Variants in RGMA observed in about 807,000 individuals in gnomAD.
The protein encoded by RGMA is repulsive guidance molecule BMP co-receptor a.
Under a neutral mutation model 23.2 loss-of-function variants are expected in RGMA, and 10 were observed. That is an observed-to-expected ratio of 0.43 (90% CI 0.27 to 0.73). RGMA has a LOEUF of 0.73. RGMA is among the 30% of genes least tolerant of loss of function. The pLI is 0.20. For synonymous variants in RGMA, 308 were observed against 279.3 expected (o/e 1.10, Z -1.03); for missense variants, 547 against 630.5 (o/e 0.87, Z 1.42).
Position 93,044,708 on chromosome 15 carries a change from T to G in RGMA, c.*290A>C. The G allele has an allele frequency of 2.2e-6, 1 of 449,112 alleles. No homozygotes were observed. The highest frequency in any genetic ancestry group is 4.0e-6 in the Non-Finnish European group (1 of 250,170). The allele number at this position is 449,112 out of a possible 1,614,324, so 27.8% of individuals were successfully genotyped here. A position where few individuals can be genotyped will look rare whatever the true frequency, so the allele number is the denominator to read the frequency against. On this transcript the variant is annotated 3_prime_UTR_variant, in exon 4 of 4. Coordinates refer to ENST00000329082, the MANE Select transcript of RGMA (RefSeq NM_020211.3). ...GTGTCTCTGGTGGGGGTGGGGGGCT[T>G]CAGCCTGAGGGGATGTTTCACACAT...
rs915602326 is a variant in RGMA at position 93,043,839 on chromosome 15, T to A, written c.*1159A>T. ...CACCCTCCAGGGCCTGGCTGCACTT[T>A]TGGGAGTGAAGCCTGGCTTTGTGCT... On this transcript the variant is annotated 3_prime_UTR_variant, in exon 4 of 4. Transcript: ENST00000329082. The A allele has an allele frequency of 6.6e-6, 1 of 152,422 alleles. No individual in the cohort carries two copies. 9.4% of individuals were successfully genotyped at this position (152,422 alleles called of 1,614,324 possible).
In RGMA at chr15:93,043,665, G is replaced by A; in HGVS notation, c.*1333C>T. 1 of 140,536 alleles carries A rather than the reference G, an allele frequency of 7.1e-6. No individual in the cohort carries two copies. The highest frequency in any genetic ancestry group is 1.6e-5 in the Non-Finnish European group (1 of 63,908). 8.7% of individuals were successfully genotyped at this position (140,536 alleles called of 1,614,324 possible). A position where few individuals can be genotyped will look rare whatever the true frequency, so the allele number is the denominator to read the frequency against. On this transcript the variant is annotated 3_prime_UTR_variant, in exon 4 of 4. Coordinates refer to ENST00000329082, the MANE Select transcript of RGMA (RefSeq NM_020211.3). ...GCGCCCTCCCACCCGCCCACACACG[G>A]TTCTGGCAGAGGGAGCAGGACCTCT...
rs967681221 is a variant in RGMA at position 93,045,902 on chromosome 15, G to A, written c.646-197C>T. On this transcript the variant is annotated intron_variant, in intron 3 of 3. Transcript: ENST00000329082. This position sits in a 1 kb window ranked among gnomAD's most constrained non-coding sequence, Gnocchi z 6.9. Reference sequence around the variant, plus strand: ...CACATTCTTTCAATGAAAACAACTTGCCCTTTTTACTTTAAAAAGTGACTT... The same window carrying A: ...CACATTCTTTCAATGAAAACAACTTACCCTTTTTACTTTAAAAAGTGACTT... Among the ~76,000 whole-genome samples, 38 of 152,244 alleles carry A rather than the reference G, an allele frequency of 2.5e-4. No homozygotes were observed. The highest frequency in any genetic ancestry group is 9.2e-4 in the African/African-American group (38 of 41,528).
chr15:93,088,866 G>A, intron 1 of RGMA, 53 bp downstream of exon 1: 1 of 1,473,614 alleles, frequency 6.8e-7, no homozygotes, highest in East Asian at 2.9e-5. Context: ...ATGTGTCGGC[G>A]GCGCCTCGGA....
Position 93,040,702 on chromosome 15 carries a change from A to T in RGMA, c.*4296T>A, listed in dbSNP as rs1188700835. On this transcript the variant is annotated 3_prime_UTR_variant, in exon 4 of 4. Coordinates refer to ENST00000329082, the MANE Select transcript of RGMA (RefSeq NM_020211.3). The stretch of plus-strand genomic sequence containing the variant: ...TTATTGCCTTGTCTTTCCAATAAGA[A>T]TGCACAGCAGTCTGTCTGGGTCATT... 5 of 152,212 alleles carry T rather than the reference A, an allele frequency of 3.3e-5. No homozygotes were observed. Among genetic ancestry groups the T allele is most frequent in the African/African-American group, 1.2e-4 (5 of 41,406 alleles). 9.4% of individuals were successfully genotyped at this position (152,212 alleles called of 1,614,324 possible).
At chr15:93,086,488 C>T (rs1209342786) in intron 1 of RGMA, among the ~76,000 whole-genome samples, 1 of 152,136 alleles carries the variant, frequency 6.6e-6, no homozygotes, top group African/African-American at 2.4e-5. Context: ...TAAAAACAAG[C>T]GCTAGAACTT....
chr15:93,047,594 G>A (rs1488296295), intron 3 of RGMA, among the ~76,000 whole-genome samples: 3 of 151,824 alleles, frequency 2.0e-5, no homozygotes, highest in Non-Finnish European at 2.9e-5. Flanking sequence ...ACCCAGGAGA[G>A]GGTGTGGCCA....
rs1284631012 is a variant in RGMA at position 93,059,771 on chromosome 15, CATCAAAAGCAATAGCTGTGGTG to C, written c.131-7286_131-7265del. Among the ~76,000 whole-genome samples, 9 of 152,278 alleles carry C rather than the reference CATCAAAAGCAATAGCTGTGGTG, an allele frequency of 5.9e-5. No individual in the cohort carries two copies. In the East Asian group the frequency reaches 1.7e-3, roughly 29 times the overall value. Reference sequence around the variant, plus strand: ...AGGACCTGAATGAAATCTGGCCCAGCATCAAAAGCAATAGCTGTGGTGTCACCTGCCAAAGAGATCTCAGAGA... The same window carrying C: ...AGGACCTGAATGAAATCTGGCCCAGCTCACCTGCCAAAGAGATCTCAGAGA... On this transcript the variant is annotated intron_variant, in intron 2 of 3. Transcript: ENST00000329082.
In RGMA at chr15:93,059,091, C is replaced by T. The variant is rs1444335736; in HGVS notation, c.131-6584G>A. 2.6e-5 allele frequency among the ~76,000 whole-genome samples: 4 copies of T among 152,128 alleles called. No homozygotes were observed. The East Asian group carries it at 7.7e-4, about 29-fold the overall frequency. ...CACGGAGGCTTCGGGCTCGAGCGGG[C>T]CTGGGTCACACAAGTGGAAGGGCTG... On this transcript the variant is annotated intron_variant, in intron 2 of 3. Transcript: ENST00000329082.
At chr15:93,050,090 T>C (rs1320112678) in intron 3 of RGMA, among the ~76,000 whole-genome samples, 2 of 152,208 alleles carry the variant, frequency 1.3e-5, no homozygotes, top group African/African-American at 4.8e-5. Context: ...CCCAGTTCTC[T>C]GGACAGAGCC....
chr15:93,088,844 C>T (rs1181680079), intron 1 of RGMA, 75 bp downstream of exon 1: 2 of 1,347,634 alleles, frequency 1.5e-6, no homozygotes, highest in South Asian at 1.3e-5. Flanking sequence ...AAAGCAGCGC[C>T]GTGGCCCCGG....
chr15:93,063,300 G>A (rs7169328), intron 2 of RGMA, among the ~76,000 whole-genome samples: 18,863 of 152,274 alleles, frequency 0.12, 1,614 homozygotes, highest in African/African-American at 0.24. Flanking sequence ...TTCAAAGGAG[G>A]TGGAGGAGGG....
intron 3 of RGMA, among the ~76,000 whole-genome samples, chr15:93,049,060 C>T (rs963709832): frequency 6.6e-6 from 1 of 152,222 alleles, no homozygotes; most frequent in Non-Finnish European, 1.5e-5. Context: ...GACTCAACCG[C>T]AAGTAACAGC....
At chr15:93,070,096 T>C (rs1355611718) in intron 2 of RGMA, among the ~76,000 whole-genome samples, 2 of 152,180 alleles carry the variant, frequency 1.3e-5, no homozygotes, top group Non-Finnish European at 2.9e-5. Context: ...GGGCCCTTTC[T>C]CATCACCAGG....
At position 93,045,077 on chromosome 15, in the gene RGMA, G is replaced by A. The variant is rs1384839560; in HGVS notation, c.1274C>T (p.Ala425Val). 6 of 1,574,310 alleles carry A rather than the reference G, an allele frequency of 3.8e-6. No individual in the cohort carries two copies. The highest frequency in any genetic ancestry group is 4.3e-6 in the Non-Finnish European group (5 of 1,160,132). The part of the protein sequence containing the change: ...ERTRDLPGRA[A>V]AGLPLAPRPL... ...CCGGGGGGCCAGGGGCAGCCCCGCA[G>A]CCGCCCTGCCTGGCAGGTCCCGAGT... The change falls in exon 4 of 4, where the codon GCT (alanine) becomes GTT (valine). Residue 425 changes from alanine to valine, a missense_variant. By Grantham distance (64) the Ala-to-Val change is moderately conservative. Transcript: ENST00000329082. This position sits in a 1 kb window ranked among gnomAD's most constrained non-coding sequence, Gnocchi z 6.9.
chr15:93,075,939 G>A (rs1430176663), intron 1 of RGMA, among the ~76,000 whole-genome samples: 3 of 152,312 alleles, frequency 2.0e-5, no homozygotes, highest in South Asian at 2.1e-4. Context: ...AGCTAGAGCA[G>A]TATGGCGTTG....
At position 93,045,501 on chromosome 15, in the gene RGMA, G is replaced by A; in HGVS notation, c.850C>T (p.Arg284Cys). ...AKYIGTTIVV[R>C]QVGRYLTFAV... ...AAGGTCAGGTAGCGGCCCACCTGGC[G>A]CACCACGATGGTGGTGCCGATGTAC... is the stretch of plus-strand genomic sequence containing the variant. The change falls in exon 4 of 4, where the codon CGC (arginine) becomes TGC (cysteine). Residue 284 changes from arginine (R) to cysteine (C), a missense_variant. Around this residue, in one of 3 missense-constraint regions of RGMA, gnomAD observed 128 missense variants for 191.7 expected, o/e 0.67. Coordinates refer to ENST00000329082, the MANE Select transcript of RGMA (RefSeq NM_020211.3). This position sits in a 1 kb window ranked among gnomAD's most constrained non-coding sequence, Gnocchi z 6.9. 6.8e-6 allele frequency: 11 copies of A among 1,613,238 alleles called. No homozygotes were observed. Among genetic ancestry groups the A allele is most frequent in the Non-Finnish European group, 9.3e-6 (11 of 1,179,828 alleles).
intron 1 of RGMA, chr15:93,074,045 G>A (rs1895427844): frequency 7.3e-7 from 1 of 1,365,706 alleles, no homozygotes; most frequent in South Asian, 1.8e-5. Context: ...CCTTCCCAAG[G>A]TTCCCTGGGC....
At chr15:93,047,467 C>T (rs1022861999) in intron 3 of RGMA, among the ~76,000 whole-genome samples, 2 of 152,146 alleles carry the variant, frequency 1.3e-5, no homozygotes, top group Non-Finnish European at 2.9e-5. Flanking sequence ...CCTTTTGGGA[C>T]CTCCTGCTAA....
Sources: allele counts gnomAD v4.1 joint callset (sites outside exome capture counted in the v4.1 genomes callset), GRCh38; gene constraint gnomAD v4.1.1; regional missense constraint gnomAD v4.1.1; non-coding constraint Gnocchi (gnomAD v3.1); transcripts MANE v1.5; gene names NCBI Gene and HGNC (gene_info 2026-07-23, HGNC 2026-07-21).